The following NDE1 variants were observed in gnomAD, a reference collection of about 807,000 sequenced individuals.
NDE1 encodes the protein nuclear distribution protein nudE homolog 1.
Under a neutral mutation model 43.4 loss-of-function variants are expected in NDE1, and 28 were observed. That is an observed-to-expected ratio of 0.65 (90% CI 0.48 to 0.89). The LOEUF (loss-of-function observed/expected upper bound fraction) is 0.89. NDE1 is among the 40% of genes least tolerant of loss of function. The pLI is 0.00. For missense variants in NDE1, 441 were observed against 434.1 expected (o/e 1.02, Z -0.14); for synonymous variants, 184 against 172.0 (o/e 1.07, Z -0.55).
intron 3 of NDE1, among the ~76,000 whole-genome samples, chr16:15,670,199 A>G (rs1341301708): frequency 1.3e-5 from 2 of 152,042 alleles, no homozygotes; most frequent in African/African-American, 4.8e-5. Flanking sequence ...CATTTTGATG[A>G]GCTGCTTCAT....
rs1343203168 is a variant in NDE1, at chr16:15,714,860, T to C, written c.948-9331T>C. ...CGAAAGGAGCCCGAGCCCCCAGTGC[T>C]TTTCTCTGGCCTGAGAGACGGGGTC... On this transcript the variant is annotated intron_variant, in intron 8 of 8. Transcript: ENST00000396354. The C allele has an allele frequency of 3.7e-6, 6 of 1,609,558 alleles. No homozygotes were observed. In the Admixed American group the frequency reaches 1.0e-4, roughly 27 times the overall value.
chr16:15,686,833 G>A (rs561835925), intron 4 of NDE1: 34 of 366,280 alleles, frequency 9.3e-5, no homozygotes, highest in African/African-American at 7.1e-4. Flanking sequence ...CCAAGTAGCT[G>A]GGATTACACT....
intron 8 of NDE1, chr16:15,718,177 T>C: frequency 7.2e-7 from 1 of 1,382,994 alleles, no homozygotes; most frequent in Non-Finnish European, 1.0e-6. Flanking sequence ...GGATCTCTAC[T>C]CTCAGGCCCC....
At chr16:15,670,667 A>G (rs1464723917) in intron 3 of NDE1, among the ~76,000 whole-genome samples, 1 of 151,050 alleles carries the variant, frequency 6.6e-6, no homozygotes, top group African/African-American at 2.5e-5. Context: ...CAAAAAAAAA[A>G]AAAAAGAAAG....
intron 8 of NDE1, chr16:15,720,933 T>A: frequency 6.2e-7 from 1 of 1,614,002 alleles, no homozygotes; most frequent in African/African-American, 1.3e-5. Flanking sequence ...CATGTTGACT[T>A]CCAGCCGCAG....
At chr16:15,647,006 C>G (rs1343790530), upstream of NDE1, among the ~76,000 whole-genome samples, 1 of 151,996 alleles carries the variant, frequency 6.6e-6, no homozygotes, top group Non-Finnish European at 1.5e-5. Flanking sequence ...GCCGAGATTG[C>G]AGCACTGCAC....
upstream of NDE1, among the ~76,000 whole-genome samples, chr16:15,646,741 T>C (rs1162436215): frequency 7.2e-6 from 1 of 139,468 alleles, no homozygotes; most frequent in Non-Finnish European, 1.6e-5. Flanking sequence ...AATGAATAAG[T>C]AAATAAGTAA....
At position 15,691,176 on chromosome 16, in the gene NDE1, C is replaced by T. The variant is rs200096467; in HGVS notation, c.556C>T (p.Gln186Ter). The change falls in exon 6 of 9, where the codon CAG becomes TAG. Residue 186 changes from glutamine (Q) to a stop codon, truncating the protein, a stop_gained. Coordinates refer to ENST00000396354, the MANE Select transcript of NDE1 (RefSeq NM_017668.3). LOFTEE classifies it high-confidence loss of function. ...LRQELAVQQKQEKPRTPMPSS... is the reference protein window; with the variant it reads ...LRQELAVQQK ...GCAGGAACTGGCCGTGCAGCAGAAG[C>T]AGGAGAAACCCAGGACCCCCATGCC... 6.2e-7 allele frequency: 1 copy of T among 1,614,076 alleles called. No homozygotes were observed. Among genetic ancestry groups the T allele is most frequent in the East Asian group, 2.2e-5 (1 of 44,888 alleles).
In NDE1 at chr16:15,664,098, G is replaced by A. The variant is rs749326226; in HGVS notation, c.-43-638G>A. 5.3e-5 allele frequency among the ~76,000 whole-genome samples: 8 copies of A among 151,694 alleles called. No individual in the cohort carries two copies. In the South Asian group the frequency reaches 6.2e-4, roughly 12 times the overall value. Reference sequence around the variant, plus strand: ...AATAATTATAATTATTATTTTATGCGTAATTTCCATTCCAGCCCCCACTCC... The same window carrying A: ...AATAATTATAATTATTATTTTATGCATAATTTCCATTCCAGCCCCCACTCC... On this transcript the variant is annotated intron_variant, in intron 1 of 8. Transcript: ENST00000396354.
chr16:15,645,971 A>G (rs2036322719), upstream of NDE1, among the ~76,000 whole-genome samples: 1 of 152,334 alleles, frequency 6.6e-6, no homozygotes, highest in Admixed American at 6.5e-5. Flanking sequence ...CCATAGTCCA[A>G]AGCTACAAGG....
intron 8 of NDE1, among the ~76,000 whole-genome samples, chr16:15,723,089 A>C (rs568810217): frequency 6.6e-6 from 1 of 152,142 alleles, no homozygotes; most frequent in African/African-American, 2.4e-5. Context: ...TGTAAACTAA[A>C]TCATATTTAC....
intron 5 of NDE1, among the ~76,000 whole-genome samples, chr16:15,688,752 G>T (rs1377296586): frequency 8.1e-6 from 1 of 123,108 alleles, no homozygotes; most frequent in Non-Finnish European, 1.6e-5. Flanking sequence ...AGGCTGGAGT[G>T]CAGTGGTGCT....
At chr16:15,655,349 A>T (rs1322001955) in intron 1 of NDE1, among the ~76,000 whole-genome samples, 2 of 152,008 alleles carry the variant, frequency 1.3e-5, no homozygotes, top group African/African-American at 4.8e-5. Context: ...GACGGGGTTC[A>T]CCTTGTGCTG....
At chr16:15,666,393 T>A (rs1254588793) in intron 2 of NDE1, among the ~76,000 whole-genome samples, 4 of 151,950 alleles carry the variant, frequency 2.6e-5, no homozygotes, top group Non-Finnish European at 5.9e-5. Context: ...GCAGATCACT[T>A]GAGCTCAGGA....
At chr16:15,654,553 A>C (rs1345439476) in intron 1 of NDE1, among the ~76,000 whole-genome samples, 1 of 144,440 alleles carries the variant, frequency 6.9e-6, no homozygotes, top group Non-Finnish European at 1.5e-5. Flanking sequence ...GTGAGCTGAG[A>C]TCACACCACT....
In NDE1 at chr16:15,696,858, G is replaced by A. The variant is rs372829445; in HGVS notation, c.945G>A (p.Lys315=). Residue 315 remains lysine (K), a splice_region_variant and synonymous_variant, in exon 8 of 9, where the codon AAG becomes AAA. Transcript: ENST00000396354. ...PSSTSVPLGD[K]GLDTSCRWLS... Reference sequence around the variant, plus strand: ...GCACCAGCGTGCCTTTGGGTGATAAGGGGTCAGTACCTTCTAATAAACCTC... The same window carrying A: ...GCACCAGCGTGCCTTTGGGTGATAAAGGGTCAGTACCTTCTAATAAACCTC... 6.2e-7 allele frequency: 1 copy of A among 1,613,982 alleles called. No homozygotes were observed. Among genetic ancestry groups the A allele is most frequent in the Non-Finnish European group, 8.5e-7 (1 of 1,180,026 alleles).
intron 8 of NDE1, among the ~76,000 whole-genome samples, chr16:15,705,963 C>G (rs1275053321): frequency 8.8e-6 from 1 of 113,418 alleles, no homozygotes; most frequent in Non-Finnish European, 1.7e-5. Context: ...CCAGCCTAGG[C>G]GACAGGGTGA....
intron 2 of NDE1, among the ~76,000 whole-genome samples, chr16:15,666,648 C>T (rs538708425): frequency 6.6e-6 from 1 of 152,270 alleles, no homozygotes; most frequent in African/African-American, 2.4e-5. Flanking sequence ...CAGGGTCTCA[C>T]TCTGTCACCC....
intron 3 of NDE1, among the ~76,000 whole-genome samples, chr16:15,675,218 CAG>C (rs2037806755): frequency 1.3e-5 from 2 of 151,688 alleles, no homozygotes; most frequent in South Asian, 4.2e-4. Flanking sequence ...CCACCACTGC[CAG>C]AGAGTTTTGC....
Sources: allele counts gnomAD v4.1 joint callset (sites outside exome capture counted in the v4.1 genomes callset), GRCh38; gene constraint gnomAD v4.1.1; transcripts MANE v1.5; gene names NCBI Gene and HGNC (gene_info 2026-07-23, HGNC 2026-07-21).